LRRC4B: variants seen among roughly 807,000 people sequenced by gnomAD.
LRRC4B encodes the protein leucine-rich repeat-containing protein 4B.
Under a neutral mutation model 7.3 loss-of-function variants are expected in LRRC4B, and 1 was observed. The ratio of observed to expected loss-of-function variants is 0.14; its 90% CI spans 0.05 to 0.65. The LOEUF is 0.65. Ranked by LOEUF, LRRC4B falls within the 30% of genes least tolerant of loss-of-function variation. LRRC4B has a pLI of 0.84. For synonymous variants in LRRC4B, 500 were observed against 499.2 expected (o/e 1.00, Z -0.02); for missense variants, 730 against 1,041.6 (o/e 0.70, Z 4.12).
chr19:50,540,456 G>A (rs189392380), intron 2 of LRRC4B, among the ~76,000 whole-genome samples: 7 of 152,136 alleles, frequency 4.6e-5, no homozygotes, highest in East Asian at 3.9e-4. Context: ...TCCGCCTCTC[G>A]GGTTCAAGTG....
chr19:50,518,272 T>C lies in LRRC4B; in HGVS notation c.1441A>G (p.Ser481Gly). 6.2e-7 allele frequency: 1 copy of C among 1,600,360 alleles called. No individual in the cohort carries two copies. The highest frequency in any genetic ancestry group is 1.1e-5 in the South Asian group (1 of 89,988). The stretch of plus-strand genomic sequence containing the variant: ...GTGGTGAAGTAGGTGTAGCCGCCAC[T>C]GCCCCCTCCAACACCACCACTGCCC... ...PGGSGGVGGG[S>G]GGYTYFTTVT... The change falls in exon 3 of 3, where the codon AGT becomes GGT. Residue 481 changes from serine to glycine, a missense_variant. Physicochemically the swap from Ser to Gly is moderately conservative, Grantham distance 56. Coordinates refer to ENST00000652263, the MANE Select transcript of LRRC4B (RefSeq NM_001080457.2).
intron 2 of LRRC4B, among the ~76,000 whole-genome samples, chr19:50,527,182 G>A (rs1346982120): frequency 1.3e-5 from 2 of 151,468 alleles, no homozygotes; most frequent in East Asian, 1.9e-4. Context: ...ACAGGCACCC[G>A]CCACCACTCC....
At chr19:50,535,699 G>A (rs1338607490) in intron 2 of LRRC4B, among the ~76,000 whole-genome samples, 1 of 152,204 alleles carries the variant, frequency 6.6e-6, no homozygotes, top group African/African-American at 2.4e-5. Context: ...CAGCACTGCA[G>A]GGGCCGTTGT....
At chr19:50,535,895 T>C (rs116836763) in intron 2 of LRRC4B, among the ~76,000 whole-genome samples, 22 of 152,340 alleles carry the variant, frequency 1.4e-4, no homozygotes, top group African/African-American at 5.3e-4. Flanking sequence ...GAGAGGCATC[T>C]GAACCTGGGT....
Position 50,547,614 on chromosome 19 carries a change from G to A in LRRC4B, c.297+928C>T, listed in dbSNP as rs572116820. The stretch of plus-strand genomic sequence containing the variant: ...CCCCTGGGAATCACTGGCAATGCCT[G>A]GAGATATTTTTGGAACTGGGGGTGG... On this transcript the variant is annotated intron_variant, in intron 2 of 2. Coordinates refer to ENST00000652263, the MANE Select transcript of LRRC4B (RefSeq NM_001080457.2). Among the ~76,000 whole-genome samples the A allele has an allele frequency of 2.9e-4, 44 of 149,898 alleles. No individual in the cohort carries two copies. In the South Asian group the frequency reaches 9.3e-3, roughly 32 times the overall value.
Position 50,518,215 on chromosome 19 carries a change from C to T in LRRC4B, c.1498G>A (p.Gly500Arg), listed in dbSNP as rs748276107. The change falls in exon 3 of 3, where the codon GGA becomes AGA. Residue 500 changes from glycine to arginine, a missense_variant. By Grantham distance (125) the Gly-to-Arg change is moderately radical (BLOSUM62 -2). Coordinates refer to ENST00000652263, the MANE Select transcript of LRRC4B (RefSeq NM_001080457.2). The stretch of plus-strand genomic sequence containing the variant: ...CCCCGCGGCTGCAGGGCCTCCTCTC[C>T]GGGCTGCGTCTCCAGGGTCTCCACG... ...VTVETLETQP[G>R]EEALQPRGTE... is the part of the protein sequence containing the mutation. 6.2e-6 allele frequency: 10 copies of T among 1,608,812 alleles called. No homozygotes were observed. The highest frequency in any genetic ancestry group is 8.5e-6 in the Non-Finnish European group (10 of 1,178,676).
At position 50,519,783 on chromosome 19, in the gene LRRC4B, G is replaced by T. The variant is rs1980473329; in HGVS notation, c.298-368C>A. The stretch of plus-strand genomic sequence containing the variant: ...AGCTACTCGGGAGGCTGAGGCACGA[G>T]AATCACTTGAACCCAGGAGGCGGAG... On this transcript the variant is annotated intron_variant, in intron 2 of 2. Transcript: ENST00000652263. The surrounding 1 kb of genome is among the most constrained non-coding windows in gnomAD (Gnocchi z 8.1). Among the ~76,000 whole-genome samples, 2 of 152,134 alleles carry T rather than the reference G, an allele frequency of 1.3e-5. No individual in the cohort carries two copies. Among genetic ancestry groups the T allele is most frequent in the Admixed American group, 1.3e-4 (2 of 15,268 alleles).
At chr19:50,543,138 A>G (rs1042560604) in intron 2 of LRRC4B, among the ~76,000 whole-genome samples, 1 of 152,016 alleles carries the variant, frequency 6.6e-6, no homozygotes, top group African/African-American at 2.4e-5. Flanking sequence ...AGAGGCAAAC[A>G]ACTGCTGGGC....
At chr19:50,532,508 C>A (rs1328051859) in intron 2 of LRRC4B, among the ~76,000 whole-genome samples, 2 of 152,212 alleles carry the variant, frequency 1.3e-5, no homozygotes, top group African/African-American at 4.8e-5. Flanking sequence ...GCTTGCCACA[C>A]TCTGTCCAGC....
chr19:50,536,801 C>T (rs1420103987), intron 2 of LRRC4B, among the ~76,000 whole-genome samples: 1 of 152,112 alleles, frequency 6.6e-6, no homozygotes, highest in Admixed American at 6.5e-5. Context: ...GGGCAAGTTT[C>T]TGGAAGGGTG....
intron 2 of LRRC4B, among the ~76,000 whole-genome samples, chr19:50,544,296 G>A (rs1364725234): frequency 1.3e-5 from 2 of 151,746 alleles, no homozygotes; most frequent in African/African-American, 2.4e-5. Flanking sequence ...CACGAAGTCA[G>A]GAGATCAAGA....
In LRRC4B at chr19:50,553,894, G is replaced by A. The variant is rs1247232544; in HGVS notation, c.-35-5021C>T. 4.0e-5 allele frequency among the ~76,000 whole-genome samples: 6 copies of A among 151,398 alleles called. No individual in the cohort carries two copies. Among genetic ancestry groups the A allele is most frequent in the South Asian group, 4.2e-4 (2 of 4,788 alleles). ...TCCGTTCTGCACACCGAGCCAGGCCGCACTGCAATAGCTGCACAATGCAGG... is the reference window on the plus strand; with the variant it reads ...TCCGTTCTGCACACCGAGCCAGGCCACACTGCAATAGCTGCACAATGCAGG... On this transcript the variant is annotated intron_variant, in intron 1 of 2. Coordinates refer to ENST00000652263, the MANE Select transcript of LRRC4B (RefSeq NM_001080457.2). This position sits in a 1 kb window ranked among gnomAD's most constrained non-coding sequence, Gnocchi z 4.2.
chr19:50,527,433 C>T (rs1011589850), intron 2 of LRRC4B, among the ~76,000 whole-genome samples: 8 of 151,514 alleles, frequency 5.3e-5, no homozygotes, highest in Middle Eastern at 3.5e-3. Context: ...ATGATCCACC[C>T]GCCTCAGTGT....
intron 2 of LRRC4B, among the ~76,000 whole-genome samples, chr19:50,521,331 A>G (rs557257522): frequency 6.6e-5 from 10 of 152,182 alleles, no homozygotes; most frequent in East Asian, 3.9e-4. Flanking sequence ...AAGGTGCTAC[A>G]TTGGCGTGGT....
rs1312061741 is a variant in LRRC4B, at chr19:50,518,311, C to T, written c.1402G>A (p.Gly468Arg). The part of the protein sequence containing the change: ...PVAAGGTGSG[G>R]GGPGGSGGVG... ...CCACCACTGCCCCCAGGGCCGCCCC[C>T]GCCGCTGCCGGTGCCCCCGGCCGCC... Residue 468 changes from glycine (G) to arginine (R), a missense_variant, in exon 3 of 3, where the codon GGG becomes AGG. Coordinates refer to ENST00000652263, the MANE Select transcript of LRRC4B (RefSeq NM_001080457.2). 40 of 1,604,804 alleles carry T rather than the reference C, an allele frequency of 2.5e-5. No individual in the cohort carries two copies. Among genetic ancestry groups the T allele is most frequent in the Non-Finnish European group, 3.2e-5 (38 of 1,176,566 alleles).
chr19:50,531,115 G>C (rs139423260), intron 2 of LRRC4B, among the ~76,000 whole-genome samples: 11 of 152,308 alleles, frequency 7.2e-5, no homozygotes, highest in African/African-American at 2.6e-4. Context: ...GCACAGCCAG[G>C]GTTTGAGCCC....
chr19:50,559,787 A>G (rs1982405634), intron 1 of LRRC4B, among the ~76,000 whole-genome samples: 1 of 152,244 alleles, frequency 6.6e-6, no homozygotes, highest in Non-Finnish European at 1.5e-5. Flanking sequence ...TGTGAACTGG[A>G]GCAATGCTTC....
intron 2 of LRRC4B, among the ~76,000 whole-genome samples, chr19:50,524,695 C>T (rs1980724018): frequency 6.6e-6 from 1 of 152,238 alleles, no homozygotes; most frequent in South Asian, 2.1e-4. Context: ...TCATCAGATG[C>T]AAACTTGCGA....
rs1047664982 is a variant in LRRC4B at position 50,555,017 on chromosome 19, G to A, written c.-35-6144C>T. On this transcript the variant is annotated intron_variant, in intron 1 of 2. Transcript: ENST00000652263. This position sits in a 1 kb window ranked among gnomAD's most constrained non-coding sequence, Gnocchi z 5.2. The stretch of plus-strand genomic sequence containing the variant: ...CCTTCCTCAGCCCCTGCAGTCACCC[G>A]CACTGCACAGGATATCACACGCCCG... Among the ~76,000 whole-genome samples, 3 of 152,142 alleles carry A rather than the reference G, an allele frequency of 2.0e-5. No individual in the cohort carries two copies. The highest frequency in any genetic ancestry group is 4.8e-5 in the African/African-American group (2 of 41,434).
Sources: allele counts gnomAD v4.1 joint callset (sites outside exome capture counted in the v4.1 genomes callset), GRCh38; gene constraint gnomAD v4.1.1; non-coding constraint Gnocchi (gnomAD v3.1); transcripts MANE v1.5; gene names NCBI Gene and HGNC (gene_info 2026-07-23, HGNC 2026-07-21).